The following KDM4B variants were observed in gnomAD, a reference collection of about 807,000 sequenced individuals.
KDM4B encodes lysine-specific demethylase 4B.
KDM4B carries 32 observed loss-of-function variants against 125.2 expected under a neutral mutation model. The ratio of observed to expected loss-of-function variants is 0.26; its 90% CI spans 0.19 to 0.34. The LOEUF is 0.34. Ranked by LOEUF, KDM4B falls within the 10% of genes least tolerant of loss-of-function variation. The pLI, the probability that KDM4B is intolerant of heterozygous loss-of-function variation, is 1.00. For synonymous variants in KDM4B, 721 were observed against 677.9 expected (o/e 1.06, Z -0.99); for missense variants, 1,190 against 1,577.7 (o/e 0.75, Z 4.16).
chr19:5,084,245 CA>C (rs560294014), intron 9 of KDM4B, among the ~76,000 whole-genome samples: 6 of 139,782 alleles, frequency 4.3e-5, no homozygotes, highest in South Asian at 2.2e-4. Context: ...GAAACTGTCT[CA>C]AAAAAAAATA....
chr19:5,143,195 C>T (rs2039775983), intron 18 of KDM4B, among the ~76,000 whole-genome samples: 1 of 152,102 alleles, frequency 6.6e-6, no homozygotes, highest in Non-Finnish European at 1.5e-5. Flanking sequence ...ATGATGGTTG[C>T]ACCTGTGGTC....
At chr19:5,107,527 G>T (rs563338250) in intron 9 of KDM4B, among the ~76,000 whole-genome samples, 1 of 152,176 alleles carries the variant, frequency 6.6e-6, no homozygotes. Context: ...AATAGACAGC[G>T]AGGTCTGCCC....
intron 11 of KDM4B, among the ~76,000 whole-genome samples, chr19:5,123,334 C>T (rs1317932744): frequency 3.3e-5 from 5 of 152,230 alleles, no homozygotes; most frequent in Non-Finnish European, 7.3e-5. Flanking sequence ...TGGCCCATTC[C>T]GAGGACCCAG....
intron 1 of KDM4B, among the ~76,000 whole-genome samples, chr19:4,970,505 C>G (rs1175222561): frequency 6.6e-6 from 1 of 152,138 alleles, no homozygotes; most frequent in Non-Finnish European, 1.5e-5. Flanking sequence ...TTCAAGGGAT[C>G]GGTGCCCTGC....
intron 1 of KDM4B, among the ~76,000 whole-genome samples, chr19:4,983,695 T>G (rs754369656): frequency 3.9e-5 from 6 of 152,136 alleles, no homozygotes; most frequent in Non-Finnish European, 5.9e-5. Context: ...TTGGAATGCT[T>G]CTTTGGCTGT....
chr19:5,117,596 G>A (rs1389596999), intron 10 of KDM4B, among the ~76,000 whole-genome samples: 2 of 152,168 alleles, frequency 1.3e-5, no homozygotes, highest in Non-Finnish European at 2.9e-5. Flanking sequence ...TCTGGGGCAG[G>A]CACCCAGCAT....
chr19:5,054,471 T>C (rs2037332340), intron 6 of KDM4B, among the ~76,000 whole-genome samples: 1 of 149,996 alleles, frequency 6.7e-6, no homozygotes. Context: ...AATGTGTGTG[T>C]GTGTGTGTGT....
intron 1 of KDM4B, among the ~76,000 whole-genome samples, chr19:5,012,368 CGTT>C (rs1397575066): frequency 2.0e-5 from 3 of 152,240 alleles, no homozygotes; most frequent in African/African-American, 7.2e-5. Context: ...TTGATTAACA[CGTT>C]GTTAATGACA....
chr19:5,020,628 G>C (rs1037122972), intron 2 of KDM4B, among the ~76,000 whole-genome samples: 9 of 152,164 alleles, frequency 5.9e-5, no homozygotes, highest in Non-Finnish European at 1.2e-4. Flanking sequence ...GGGGGAAGGG[G>C]GTCCCACTGC....
At chr19:5,065,666 C>T (rs1395480555) in intron 6 of KDM4B, among the ~76,000 whole-genome samples, 1 of 152,220 alleles carries the variant, frequency 6.6e-6, no homozygotes, top group Admixed American at 6.5e-5. Flanking sequence ...GTGGCCTGTC[C>T]GCTGGCTGGA....
At position 5,035,340 on chromosome 19, in the gene KDM4B, G is replaced by A. The variant is rs1161011105; in HGVS notation, c.141+2309G>A. Among the ~76,000 whole-genome samples the A allele has an allele frequency of 2.0e-5, 3 of 151,912 alleles. No homozygotes were observed. Among genetic ancestry groups the A allele is most frequent in the African/African-American group, 7.3e-5 (3 of 41,352 alleles). On this transcript the variant is annotated intron_variant, in intron 3 of 22. Transcript: ENST00000159111. The surrounding 1 kb of genome is among the most constrained non-coding windows in gnomAD (Gnocchi z 5.3). ...GGCTTGGGATCCAAGGCGTCCTGAT[G>A]TCAGGACGTTGAGGGGAATCAGCAT...
intron 1 of KDM4B, among the ~76,000 whole-genome samples, chr19:4,995,849 C>T (rs556066656): frequency 6.6e-6 from 1 of 152,246 alleles, no homozygotes; most frequent in Admixed American, 6.5e-5. Flanking sequence ...CCTGAAATGG[C>T]CTGTCTTGGT....
At chr19:5,116,709 A>G (rs2039262887) in intron 10 of KDM4B, among the ~76,000 whole-genome samples, 1 of 152,244 alleles carries the variant, frequency 6.6e-6, no homozygotes, top group Non-Finnish European at 1.5e-5. Flanking sequence ...CCAAAGCAGG[A>G]GGCCAGTTCC....
At chr19:5,041,423 AG>A (rs2036812681) in intron 5 of KDM4B, among the ~76,000 whole-genome samples, 172 bp downstream of exon 5, 1 of 151,734 alleles carries the variant, frequency 6.6e-6, no homozygotes, top group Non-Finnish European at 1.5e-5. Context: ...AGAGGAAGCC[AG>A]GCTTTCTCTG....
At chr19:5,138,452 T>C (rs1328052784) in intron 18 of KDM4B, 2 of 206,448 alleles carry the variant, frequency 9.7e-6, no homozygotes, top group Non-Finnish European at 2.0e-5. Flanking sequence ...CTAATAATTA[T>C]AACAAGCCTG....
At position 5,106,185 on chromosome 19, in the gene KDM4B, C is replaced by A. The variant is rs2145970200; in HGVS notation, c.919-4437C>A. Among the ~76,000 whole-genome samples, 2 of 152,310 alleles carry A rather than the reference C, an allele frequency of 1.3e-5. 1 individual carries two copies. The highest frequency in any genetic ancestry group is 4.1e-4 in the South Asian group (2 of 4,824). On this transcript the variant is annotated intron_variant, in intron 9 of 22. Coordinates refer to ENST00000159111, the MANE Select transcript of KDM4B (RefSeq NM_015015.3). ...GTAGACCGCATCTTGCCAGCGCACACCTCCCTGTTGTGTGTCGTTTATTTA... is the reference window on the plus strand; with the variant it reads ...GTAGACCGCATCTTGCCAGCGCACAACTCCCTGTTGTGTGTCGTTTATTTA...
chr19:5,005,030 C>T (rs1368354004), intron 1 of KDM4B, among the ~76,000 whole-genome samples: 1 of 152,226 alleles, frequency 6.6e-6, no homozygotes, highest in Non-Finnish European at 1.5e-5. Context: ...GTAGCGTCTT[C>T]CTTTTCTGCG....
At chr19:5,051,329 G>T (rs1568259469) in intron 6 of KDM4B, among the ~76,000 whole-genome samples, 1 of 152,256 alleles carries the variant, frequency 6.6e-6, no homozygotes, top group Non-Finnish European at 1.5e-5. Flanking sequence ...CCACTGTTCA[G>T]TCCTGTGCAC....
In KDM4B at chr19:5,100,205, G is replaced by T. The variant is rs2038904256; in HGVS notation, c.919-10417G>T. ...GATACGTGTCTGATTTTTGTCACTT[G>T]CCCCTCCTTGGGCCTTTCCATCCAT... On this transcript the variant is annotated intron_variant, in intron 9 of 22. Coordinates refer to ENST00000159111, the MANE Select transcript of KDM4B (RefSeq NM_015015.3). Among the ~76,000 whole-genome samples, 9 of 152,142 alleles carry T rather than the reference G, an allele frequency of 5.9e-5. 1 individual carries two copies. The highest frequency in any genetic ancestry group is 5.2e-4 in the Admixed American group (8 of 15,278).
Sources: gnomAD v4.1 joint callset for allele counts (sites outside exome capture counted in the v4.1 genomes callset) on GRCh38, gnomAD v4.1.1 for gene constraint, Gnocchi (gnomAD v3.1) non-coding constraint, MANE v1.5 for transcripts, NCBI Gene and HGNC (gene_info 2026-07-23, HGNC 2026-07-21) for gene names.